SNUPN: variants seen among roughly 807,000 people sequenced by gnomAD.
The protein encoded by SNUPN is snurportin 1.
SNUPN carries 31 observed loss-of-function variants against 39.2 expected under a neutral mutation model. That is an observed-to-expected ratio of 0.79 (90% confidence interval 0.59 to 1.07). The LOEUF (loss-of-function observed/expected upper bound fraction) is 1.07, where lower values mean the gene tolerates loss of function less well. Ranked by LOEUF, SNUPN falls within the 50% of genes least tolerant of loss-of-function variation. SNUPN has a pLI of 0.00. For missense variants in SNUPN, 382 were observed against 434.2 expected (o/e 0.88, Z 1.07); for synonymous variants, 132 against 159.0 (o/e 0.83, Z 1.28).
chr15:75,609,673 A>G, intron 4 of SNUPN, 22 bp from the exon 5 acceptor site: 2 of 1,569,114 alleles, frequency 1.3e-6, no homozygotes, highest in Non-Finnish European at 8.7e-7. Flanking sequence ...GAAAGTTACC[A>G]TTCTTATTAG....
At chr15:75,623,430 T>G (rs1567564796) in intron 1 of SNUPN, among the ~76,000 whole-genome samples, 1 of 146,942 alleles carries the variant, frequency 6.8e-6, no homozygotes, top group Non-Finnish European at 1.5e-5. Context: ...ATTACAGGTG[T>G]GAGCCACCAC....
chr15:75,600,740 C>A, intron 8 of SNUPN: 1 of 216,326 alleles, frequency 4.6e-6, no homozygotes, highest in Non-Finnish European at 9.3e-6. Context: ...CATTCAGTCA[C>A]AGAAGCACCT....
At chr15:75,617,714 T>A (rs1238261638) in intron 2 of SNUPN, among the ~76,000 whole-genome samples, 162 bp from the exon 3 acceptor site, 1 of 151,924 alleles carries the variant, frequency 6.6e-6, no homozygotes, top group Non-Finnish European at 1.5e-5. Context: ...CCACAGTAGG[T>A]GGGACTACAG....
rs745357195 is a variant in SNUPN at position 75,607,194 on chromosome 15, CGA to C, written c.600+20_600+21del. The C allele has an allele frequency of 1.9e-6, 3 of 1,561,238 alleles. No individual in the cohort carries two copies. In the Admixed American group the frequency reaches 5.0e-5, roughly 26 times the overall value. ...GGAGAGGAGAAGACAGGAAGAGCCA[CGA>C]GAGGAGGATCCATCCCTACCTGGCA... On this transcript the variant is annotated intron_variant, in intron 6 of 8. Coordinates refer to ENST00000308588, the MANE Select transcript of SNUPN (RefSeq NM_005701.4).
At chr15:75,623,770 A>G (rs115639854) in intron 1 of SNUPN, among the ~76,000 whole-genome samples, 1,826 of 151,952 alleles carry the variant, frequency 0.012, 42 homozygotes, top group African/African-American at 0.042. Flanking sequence ...TATCTTTGCA[A>G]TGCAACCAAG....
rs761958031 is a variant in SNUPN at position 75,607,330 on chromosome 15, G to C, written c.503-17C>G. 1.9e-6 allele frequency: 3 copies of C among 1,555,258 alleles called. No homozygotes were observed. Among genetic ancestry groups the C allele is most frequent in the Admixed American group, 3.3e-5 (2 of 59,936 alleles). On this transcript the variant is annotated splice_polypyrimidine_tract_variant and intron_variant, in intron 5 of 8. Transcript: ENST00000308588. ...TGGTGTAGTCTGAGGACACAAAGCA[G>C]AAAGTCAGCACAGAGTTCTTCTTCC... is the stretch of plus-strand genomic sequence containing the variant.
intron 8 of SNUPN, among the ~76,000 whole-genome samples, chr15:75,599,649 A>G (rs962923089): frequency 2.6e-5 from 4 of 152,152 alleles, no homozygotes; most frequent in African/African-American, 9.7e-5. Context: ...TCAGTGACTC[A>G]TCTCTAAAAA....
intron 3 of SNUPN, among the ~76,000 whole-genome samples, chr15:75,611,259 C>CTT (rs577001238): frequency 4.8e-5 from 7 of 144,798 alleles, no homozygotes; most frequent in African/African-American, 1.0e-4. Flanking sequence ...CACTCCCAAT[C>CTT]TTTTTTTTTT....
intron 8 of SNUPN, among the ~76,000 whole-genome samples, chr15:75,599,285 G>A (rs1015109173): frequency 2.8e-4 from 42 of 152,212 alleles, no homozygotes; most frequent in Non-Finnish European, 4.7e-4. Flanking sequence ...AGATGGGGCT[G>A]CTCATACTCA....
At chr15:75,607,368 T>C in intron 5 of SNUPN, 55 bp from the exon 6 acceptor site, 1 of 1,233,842 alleles carries the variant, frequency 8.1e-7, no homozygotes, top group Non-Finnish European at 1.2e-6. Flanking sequence ...CCAGGTTCCC[T>C]CCACCACAAC....
Position 75,617,441 on chromosome 15 carries a change from A to G in SNUPN, c.270T>C (p.Thr90=). 1 of 1,614,058 alleles carries G rather than the reference A, an allele frequency of 6.2e-7. No homozygotes were observed. Among genetic ancestry groups the G allele is most frequent in the Non-Finnish European group, 8.5e-7 (1 of 1,179,992 alleles). ...CATAGTGTTTTGGTAACTTCTTGAC[A>G]GTGTCAATGTCCATTTCTTCATCAT... ...KKDDEEMDID[T]VKKLPKHYAN... Residue 90 remains threonine, a synonymous_variant, in exon 3 of 9, where the codon ACT becomes ACC. Coordinates refer to ENST00000308588, the MANE Select transcript of SNUPN (RefSeq NM_005701.4).
In SNUPN at chr15:75,622,455, T is replaced by C. The variant is rs1237273274; in HGVS notation, c.-5-1399A>G. On this transcript the variant is annotated intron_variant, in intron 1 of 8. Transcript: ENST00000308588. ...AAACAAGACAGGCATGGAGTAGATG[T>C]CATTTTGAAAACAGACTTCCCACTT... 5 of 985,238 alleles carry C rather than the reference T, an allele frequency of 5.1e-6. No homozygotes were observed. The East Asian group carries it at 5.7e-4, about 112-fold the overall frequency. 61.0% of individuals were successfully genotyped at this position (985,238 alleles called of 1,614,324 possible).
chr15:75,624,159 C>T (rs1217151586), intron 1 of SNUPN, among the ~76,000 whole-genome samples: 2 of 147,474 alleles, frequency 1.4e-5, no homozygotes, highest in Non-Finnish European at 3.0e-5. Context: ...GATCTCCTGA[C>T]CTCGTGATCC....
chr15:75,603,492 TCTA>T (rs993824193), intron 7 of SNUPN, among the ~76,000 whole-genome samples: 1 of 149,842 alleles, frequency 6.7e-6, no homozygotes, highest in Non-Finnish European at 1.5e-5. Flanking sequence ...AAACCCCGTC[TCTA>T]CTAAAAATAC....
At position 75,621,071 on chromosome 15, in the gene SNUPN, G is replaced by GT. The variant is rs1390419111; in HGVS notation, c.-5-16dup. ...TTCCATCTTCCCTACAAAGGAAAAC[G>GT]TAAGAAAATGGTTCATTCATTTCAT... On this transcript the variant is annotated splice_polypyrimidine_tract_variant and intron_variant, in intron 1 of 8. Coordinates refer to ENST00000308588, the MANE Select transcript of SNUPN (RefSeq NM_005701.4). The GT allele has an allele frequency of 8.7e-6, 14 of 1,612,908 alleles. No individual in the cohort carries two copies. The highest frequency in any genetic ancestry group is 6.7e-5 in the African/African-American group (5 of 74,834).
At chr15:75,619,507 T>C (rs1313194794) in intron 2 of SNUPN, among the ~76,000 whole-genome samples, 1 of 151,926 alleles carries the variant, frequency 6.6e-6, no homozygotes, top group East Asian at 1.9e-4. Context: ...CCAGGTGCTA[T>C]GGAGTGTGCC....
intron 3 of SNUPN, among the ~76,000 whole-genome samples, chr15:75,613,938 C>T (rs1259699568): frequency 6.6e-6 from 1 of 152,144 alleles, no homozygotes; most frequent in Non-Finnish European, 1.5e-5. Context: ...TAGGTATATA[C>T]ACAAGAGAAA....
At chr15:75,622,425 T>C (rs1324419333) in intron 1 of SNUPN, 1 of 985,100 alleles carries the variant, frequency 1.0e-6, no homozygotes, top group Non-Finnish European at 1.2e-6. Context: ...TAAAGTACAT[T>C]AGGGAAACAA....
At chr15:75,609,769 G>A in intron 4 of SNUPN, 118 bp from the exon 5 acceptor site, 2 of 1,143,186 alleles carry the variant, frequency 1.7e-6, no homozygotes, top group African/African-American at 1.5e-5. Context: ...CCTTCCTGCA[G>A]GAAAGTGTTT....
Sources: gnomAD v4.1 joint callset for allele counts (sites outside exome capture counted in the v4.1 genomes callset) on GRCh38, gnomAD v4.1.1 for gene constraint, MANE v1.5 for transcripts, NCBI Gene and HGNC (gene_info 2026-07-23, HGNC 2026-07-21) for gene names.